CDH19: variants seen among roughly 807,000 people sequenced by gnomAD.
CDH19 encodes cadherin 19.
A neutral mutation model predicts 64.2 loss-of-function variants in CDH19; 67 were observed. That is an observed-to-expected ratio of 1.04 (90% CI 0.86 to 1.28). The LOEUF (loss-of-function observed/expected upper bound fraction) is 1.28. Among genes scored for constraint, CDH19 ranks in the 50% most tolerant of loss-of-function variants. CDH19 has a pLI of 0.00. For missense variants in CDH19, 1,030 were observed against 929.0 expected, an observed-to-expected ratio of 1.11 and a Z score of -1.41; for synonymous variants, 346 against 319.3, an observed-to-expected ratio of 1.08 and a Z score of -0.89.
intron 10 of CDH19, among the ~76,000 whole-genome samples, chr18:66,510,544 T>TA (rs934817252): frequency 1.4e-5 from 2 of 145,772 alleles, no homozygotes; most frequent in African/African-American, 2.5e-5. Context: ...AGTATAATAA[T>TA]AAAAAATAAA....
intron 3 of CDH19, among the ~76,000 whole-genome samples, chr18:66,568,213 G>T (rs1987977287): frequency 6.6e-6 from 1 of 151,698 alleles, no homozygotes; most frequent in Non-Finnish European, 1.5e-5. Context: ...TGAAGGCTGA[G>T]ATATTTTAAT....
At chr18:66,543,280 G>A (rs890541078) in intron 7 of CDH19, among the ~76,000 whole-genome samples, 3 of 152,020 alleles carry the variant, frequency 2.0e-5, no homozygotes, top group African/African-American at 4.8e-5. Flanking sequence ...GCCCGCCTCG[G>A]CCTCCCAAAG....
At chr18:66,521,844 CT>C (rs1986000012) in intron 9 of CDH19, among the ~76,000 whole-genome samples, 1 of 151,918 alleles carries the variant, frequency 6.6e-6, no homozygotes, top group African/African-American at 2.4e-5. Flanking sequence ...CCATCACCCC[CT>C]GCCTGCCTTT....
rs1048558199 is a variant in CDH19, at chr18:66,511,112, A to G, written c.1576+456T>C. On this transcript the variant is annotated intron_variant, in intron 10 of 11. Transcript: ENST00000262150. ...ATACAAATTATTTAGTTTTGAAGGA[A>G]TAAGAACTATATTAACCCAATTTCA... is the stretch of plus-strand genomic sequence containing the variant. 7.2e-5 allele frequency among the ~76,000 whole-genome samples: 11 copies of G among 151,766 alleles called. No homozygotes were observed. In the Admixed American group the frequency reaches 7.2e-4, roughly 10 times the overall value.
chr18:66,535,347 G>A (rs772568080), intron 7 of CDH19, among the ~76,000 whole-genome samples: 2 of 151,394 alleles, frequency 1.3e-5, no homozygotes, highest in African/African-American at 2.4e-5. Flanking sequence ...TAAAATTAAT[G>A]ATTGTGAATC....
In CDH19 at chr18:66,598,416, T is replaced by C. The variant is rs1186410458; in HGVS notation, c.-113+5538A>G. 9.9e-5 allele frequency among the ~76,000 whole-genome samples: 15 copies of C among 151,990 alleles called. 1 individual carries two copies. The highest frequency in any genetic ancestry group is 2.0e-4 in the Admixed American group (3 of 15,252). Reference sequence around the variant, plus strand: ...ATGTTCATCACAGCACTTTTCACAATAGGAAAGACATGGAATCAACCTGGA... The same window carrying C: ...ATGTTCATCACAGCACTTTTCACAACAGGAAAGACATGGAATCAACCTGGA... On this transcript the variant is annotated intron_variant, in intron 1 of 11. Coordinates refer to ENST00000262150, the MANE Select transcript of CDH19 (RefSeq NM_021153.4).
At chr18:66,510,618 A>C (rs1485854424) in intron 10 of CDH19, among the ~76,000 whole-genome samples, 1 of 146,866 alleles carries the variant, frequency 6.8e-6, no homozygotes, top group Non-Finnish European at 1.5e-5. Context: ...AATAATAATA[A>C]TAATAATAAT....
intron 3 of CDH19, among the ~76,000 whole-genome samples, chr18:66,563,441 A>T (rs1987794819): frequency 6.6e-6 from 1 of 151,990 alleles, no homozygotes. Flanking sequence ...TCTGAAACAA[A>T]TTTATTGAGA....
chr18:66,579,076 G>A (rs376111191), intron 1 of CDH19, among the ~76,000 whole-genome samples: 1 of 151,980 alleles, frequency 6.6e-6, no homozygotes, highest in East Asian at 1.9e-4. Context: ...TGTGATGAAA[G>A]TCTTAGAAGT....
At chr18:66,512,714 T>C (rs1233652081) in intron 9 of CDH19, among the ~76,000 whole-genome samples, 1 of 151,512 alleles carries the variant, frequency 6.6e-6, no homozygotes, top group Non-Finnish European at 1.5e-5. Flanking sequence ...ATTCAATCCA[T>C]GCTTATAATT....
chr18:66,562,101 G>A (rs998209526), intron 3 of CDH19, among the ~76,000 whole-genome samples: 3 of 151,894 alleles, frequency 2.0e-5, no homozygotes, highest in Non-Finnish European at 4.4e-5. Context: ...GACCAGTTTC[G>A]TGGAAGACAA....
chr18:66,585,680 T>C (rs186958643), intron 1 of CDH19, among the ~76,000 whole-genome samples: 82 of 152,264 alleles, frequency 5.4e-4, no homozygotes, highest in Admixed American at 3.3e-3. Context: ...AATATTCAGC[T>C]ATTTTCATTT....
At chr18:66,522,544 C>T (rs1418238617) in intron 9 of CDH19, among the ~76,000 whole-genome samples, 1 of 152,172 alleles carries the variant, frequency 6.6e-6, no homozygotes, top group African/African-American at 2.4e-5. Flanking sequence ...GCCACTGTGC[C>T]TGGCCAGTTA....
intron 3 of CDH19, among the ~76,000 whole-genome samples, chr18:66,562,633 T>G (rs566751332): frequency 1.3e-5 from 2 of 152,202 alleles, no homozygotes; most frequent in East Asian, 3.9e-4. Context: ...TTGTACCACG[T>G]GCTTGAAAGG....
chr18:66,597,858 CAAG>C (rs2144643768), intron 1 of CDH19, among the ~76,000 whole-genome samples: 1 of 152,022 alleles, frequency 6.6e-6, no homozygotes, highest in Non-Finnish European at 1.5e-5. Flanking sequence ...CACCTGGACA[CAAG>C]AAGGGGAACA....
chr18:66,551,354 T>C lies in CDH19; in HGVS notation c.611-96A>G, dbSNP rs1987337095. Reference sequence around the variant, plus strand: ...CATTGCAGTATACATTATTTTGCTATATGTTGAACCACTGCAATGTGACAG... The same window carrying C: ...CATTGCAGTATACATTATTTTGCTACATGTTGAACCACTGCAATGTGACAG... On this transcript the variant is annotated intron_variant, in intron 4 of 11. Transcript: ENST00000262150. 3 of 721,428 alleles carry C rather than the reference T, an allele frequency of 4.2e-6. No homozygotes were observed. The South Asian group carries it at 5.0e-5, about 12-fold the overall frequency. The allele number at this position is 721,428 out of a possible 1,614,324, so 44.7% of individuals were successfully genotyped here.
chr18:66,503,903 C>T lies in CDH19; in HGVS notation c.*909G>A, dbSNP rs1263567508. 1 of 151,832 alleles carries T rather than the reference C, an allele frequency of 6.6e-6. No individual in the cohort carries two copies. Among genetic ancestry groups the T allele is most frequent in the Admixed American group, 6.6e-5 (1 of 15,210 alleles). The allele number at this position is 151,832 out of a possible 1,614,324, so 9.4% of individuals were successfully genotyped here. On this transcript the variant is annotated 3_prime_UTR_variant, in exon 12 of 12. Transcript: ENST00000262150. ...TCCATATAAGGTAAATGTTTTTAAACATTTATGTAATCACCCACATTATCC... is the reference window on the plus strand; with the variant it reads ...TCCATATAAGGTAAATGTTTTTAAATATTTATGTAATCACCCACATTATCC...
At chr18:66,519,773 G>T (rs1369961806) in intron 9 of CDH19, among the ~76,000 whole-genome samples, 1 of 152,036 alleles carries the variant, frequency 6.6e-6, no homozygotes, top group Non-Finnish European at 1.5e-5. Context: ...TACATAAAAA[G>T]AACAACACTT....
At position 66,551,147 on chromosome 18, in the gene CDH19, C is replaced by G. The variant is rs374720765; in HGVS notation, c.722G>C (p.Ser241Thr). Reference protein sequence around the residue: ...GQPGALSGTTSVLIKLSDVND... With the variant: ...GQPGALSGTTTVLIKLSDVND... ...AACATCTGAAAGTTTAATTAATACA[C>G]TTGTTGTTCCAGACAACGCTCCTGG... The change falls in exon 5 of 12, where the codon AGT becomes ACT. Residue 241 changes from serine (S) to threonine (T), a missense_variant. Transcript: ENST00000262150. 5 of 1,608,494 alleles carry G rather than the reference C, an allele frequency of 3.1e-6. No homozygotes were observed. Among genetic ancestry groups the G allele is most frequent in the Non-Finnish European group, 3.4e-6 (4 of 1,175,338 alleles).
Sources: allele counts gnomAD v4.1 joint callset (sites outside exome capture counted in the v4.1 genomes callset), GRCh38; gene constraint gnomAD v4.1.1; transcripts MANE v1.5; gene names NCBI Gene and HGNC (gene_info 2026-07-23, HGNC 2026-07-21).